The following TRIM25 variants were observed in gnomAD, a reference collection of about 807,000 sequenced individuals.
The protein encoded by TRIM25 is tripartite motif containing 25.
In TRIM25, 45 loss-of-function variants were observed where a neutral mutation model predicts 65.2. The observed-to-expected ratio is 0.69, with a 90% confidence interval of 0.54 to 0.89. The LOEUF is 0.89. Among genes scored for constraint, TRIM25 ranks in the 40% least tolerant of loss-of-function variants. The probability of loss-of-function intolerance (pLI) is 0.00; values close to 1 mark genes in which losing one functional copy is unlikely to be tolerated. For missense variants in TRIM25, 714 were observed against 803.7 expected, an observed-to-expected ratio of 0.89 and a Z score of 1.35; for synonymous variants, 321 against 340.4, an observed-to-expected ratio of 0.94 and a Z score of 0.63.
chr17:56,904,503 G>C lies in TRIM25; in HGVS notation c.694-15C>G. 6.2e-7 allele frequency: 1 copy of C among 1,612,298 alleles called. No homozygotes were observed. Among genetic ancestry groups the C allele is most frequent in the South Asian group, 1.1e-5 (1 of 91,044 alleles). On this transcript the variant is annotated splice_polypyrimidine_tract_variant and intron_variant, in intron 2 of 8. Coordinates refer to ENST00000316881, the MANE Select transcript of TRIM25 (RefSeq NM_005082.5). ...TTTGCAGTCATCTGAGAGGGCCAAG[G>C]TAAGAGGATGCCCGTCAAAGGGGCA...
At chr17:56,906,682 A>G (rs1909526880) in intron 2 of TRIM25, among the ~76,000 whole-genome samples, 3 of 152,070 alleles carry the variant, frequency 2.0e-5, no homozygotes, top group Admixed American at 1.3e-4. Context: ...TTTAGTAGAG[A>G]TGGGGTTTCG....
In TRIM25 at chr17:56,892,718, T is replaced by C. The variant is rs371675115; in HGVS notation, c.1364-489A>G. ...CCATCTATCATCTATCAGTCATCCG[T>C]ATGTCTGTCCATTCATCCATCCAAA... On this transcript the variant is annotated intron_variant, in intron 8 of 8. Coordinates refer to ENST00000316881, the MANE Select transcript of TRIM25 (RefSeq NM_005082.5). 6.6e-5 allele frequency among the ~76,000 whole-genome samples: 10 copies of C among 152,312 alleles called. 1 individual carries two copies. Among genetic ancestry groups the C allele is most frequent in the Admixed American group, 6.5e-5 (1 of 15,294 alleles).
chr17:56,901,370 C>G, intron 4 of TRIM25, 49 bp downstream of exon 4: 1 of 1,578,864 alleles, frequency 6.3e-7, no homozygotes, highest in Non-Finnish European at 8.6e-7. Flanking sequence ...GGGGACCCAT[C>G]GGGTTGCAGG....
chr17:56,900,368 C>G (rs2144355079), intron 4 of TRIM25, among the ~76,000 whole-genome samples: 1 of 152,200 alleles, frequency 6.6e-6, no homozygotes, highest in Non-Finnish European at 1.5e-5. Context: ...GCCTGGGCGA[C>G]AGAGCAAGAT....
chr17:56,904,558 G>A, intron 2 of TRIM25, 70 bp from the exon 3 acceptor site: 1 of 1,387,842 alleles, frequency 7.2e-7, no homozygotes, highest in Non-Finnish European at 1.0e-6. Context: ...CCCAAGCATG[G>A]GTGAGATGTG....
Position 56,904,396 on chromosome 17 carries a change from C to T in TRIM25, c.786G>A (p.Lys262=). Residue 262 remains lysine (K), a synonymous_variant, in exon 3 of 9, where the codon AAG becomes AAA. Coordinates refer to ENST00000316881, the MANE Select transcript of TRIM25 (RefSeq NM_005082.5). ...TGACCCTCTTCTCCTCTTCCTTTATCTTCCTTGTCGAGGTGGTCTCTGAGG... is the reference window on the plus strand; with the variant it reads ...TGACCCTCTTCTCCTCTTCCTTTATTTTCCTTGTCGAGGTGGTCTCTGAGG... ...LDASETTSTR[K]IKEEEKRVNS... is the part of the protein sequence containing the mutation. 1 of 1,614,112 alleles carries T rather than the reference C, an allele frequency of 6.2e-7. No homozygotes were observed.
At position 56,892,039 on chromosome 17, in the gene TRIM25, C is replaced by A. The variant is rs1489234646; in HGVS notation, c.1554G>T (p.Leu518=). The A allele has an allele frequency of 1.9e-6, 3 of 1,614,188 alleles. No individual in the cohort carries two copies. The Admixed American group carries it at 5.0e-5, about 27-fold the overall frequency. The part of the protein sequence containing the change: ...KKGIHYWEVE[L]QKNNFCGVGI... ...CTACCCCACAGAAGTTGTTCTTCTG[C>A]AGCTCCACCTCCCAGTAGTGGATCC... The change falls in exon 9 of 9, where the codon CTG becomes CTT. Residue 518 remains leucine (L), a synonymous_variant. Coordinates refer to ENST00000316881, the MANE Select transcript of TRIM25 (RefSeq NM_005082.5).
chr17:56,891,609 G>A lies in TRIM25; in HGVS notation c.*91C>T, dbSNP rs1294797745. On this transcript the variant is annotated 3_prime_UTR_variant, in exon 9 of 9. Coordinates refer to ENST00000316881, the MANE Select transcript of TRIM25 (RefSeq NM_005082.5). ...ATGCTCCCAATCCTTGGGACCTCTT[G>A]GGGAATTATCCAAGGAGAGTTCTGC... 8.5e-7 allele frequency: 1 copy of A among 1,171,704 alleles called. No individual in the cohort carries two copies. Among genetic ancestry groups the A allele is most frequent in the South Asian group, 1.5e-5 (1 of 67,960 alleles). The allele number at this position is 1,171,704 out of a possible 1,614,324, so 72.6% of individuals were successfully genotyped here. A position where few individuals can be genotyped will look rare whatever the true frequency, so the allele number is the denominator to read the frequency against.
At position 56,889,761 on chromosome 17, in the gene TRIM25, TATTA is replaced by T. The variant is rs1909129418; in HGVS notation, c.*1935_*1938del. ...CCTCCAAGCCCAGCTGTTTCCCAAG[TATTA>T]ATTGGTTTCAGACAAGGCTTTCGTT... On this transcript the variant is annotated 3_prime_UTR_variant, in exon 9 of 9. Coordinates refer to ENST00000316881, the MANE Select transcript of TRIM25 (RefSeq NM_005082.5). The T allele has an allele frequency of 2.5e-6, 1 of 398,616 alleles. No individual in the cohort carries two copies. Among genetic ancestry groups the T allele is most frequent in the East Asian group, 3.6e-5 (1 of 28,082 alleles). 24.7% of individuals were successfully genotyped at this position (398,616 alleles called of 1,614,324 possible).
In TRIM25 at chr17:56,904,476, T is replaced by C. The variant is rs1194302272; in HGVS notation, c.706A>G (p.Arg236Gly). The change falls in exon 3 of 9, where the codon AGA becomes GGA. Residue 236 changes from arginine (R) to glycine (G), a missense_variant. This residue lies in a region of TRIM25 where 413 missense variants were observed against 498.2 expected (regional missense o/e 0.83). Transcript: ENST00000316881. ...RQQDVRMTAN[R>G]KVEQLQQEYT... ...TCTTGTTGTAGCTGCTCCACCTTTC[T>C]GTTTGCAGTCATCTGAGAGGGCCAA... is the stretch of plus-strand genomic sequence containing the variant. 1.2e-6 allele frequency: 2 copies of C among 1,614,028 alleles called. No individual in the cohort carries two copies. The highest frequency in any genetic ancestry group is 1.7e-5 in the Admixed American group (1 of 59,992).
chr17:56,900,673 A>G (rs1909392960), intron 4 of TRIM25, among the ~76,000 whole-genome samples: 1 of 152,164 alleles, frequency 6.6e-6, no homozygotes, highest in African/African-American at 2.4e-5. Context: ...CTGTAGCAGG[A>G]AGTTTTGCAT....
chr17:56,888,741 CTATA>C lies in TRIM25; in HGVS notation c.*2955_*2958del. On this transcript the variant is annotated 3_prime_UTR_variant, in exon 9 of 9. Transcript: ENST00000316881. The stretch of plus-strand genomic sequence containing the variant: ...ATCAAAAGCTTCCCGAAGAGGAACT[CTATA>C]TAGGGCAGGACTAAGTGTGCTGGCT... 1 of 152,158 alleles carries C rather than the reference CTATA, an allele frequency of 6.6e-6. No homozygotes were observed. Among genetic ancestry groups the C allele is most frequent in the Non-Finnish European group, 1.5e-5 (1 of 68,062 alleles). 9.4% of individuals were successfully genotyped at this position (152,158 alleles called of 1,614,324 possible). A position where few individuals can be genotyped will look rare whatever the true frequency, so the allele number is the denominator to read the frequency against.
rs775760149 is a variant in TRIM25, at chr17:56,913,409, C to T, written c.580G>A (p.Ala194Thr). Residue 194 changes from alanine to threonine, a missense_variant, in exon 1 of 9, where the codon GCC becomes ACC. Physicochemically the swap from Ala to Thr is moderately conservative, Grantham distance 58 (BLOSUM62 0). Coordinates refer to ENST00000316881, the MANE Select transcript of TRIM25 (RefSeq NM_005082.5). This position sits in a 1 kb window ranked among gnomAD's most constrained non-coding sequence, Gnocchi z 6.1. ...TTCCCTACCTCCAGGTCGGCGCTGG[C>T]CTGGCTCAGGGACGCGGGAGAGCAG... ...KTCSPASLSQ[A>T]SADLEATLRH... The T allele has an allele frequency of 7.0e-6, 11 of 1,571,360 alleles. No homozygotes were observed. The South Asian group carries it at 9.3e-5, about 13-fold the overall frequency.
At chr17:56,910,298 A>T (rs1040015648) in intron 1 of TRIM25, among the ~76,000 whole-genome samples, 1 of 152,250 alleles carries the variant, frequency 6.6e-6, no homozygotes, top group East Asian at 1.9e-4. Context: ...ACCCAGTGAC[A>T]GTCACATGTA....
chr17:56,907,824 G>C (rs1189343894), intron 2 of TRIM25, among the ~76,000 whole-genome samples: 1 of 152,182 alleles, frequency 6.6e-6, no homozygotes, highest in Admixed American at 6.5e-5. Flanking sequence ...TTACCTAGGT[G>C]CTCCCTAAAT....
chr17:56,909,113 C>T (rs537051154), intron 1 of TRIM25, among the ~76,000 whole-genome samples: 14 of 152,214 alleles, frequency 9.2e-5, no homozygotes, highest in African/African-American at 2.9e-4. Flanking sequence ...AATCCTCCCA[C>T]TGCAAACAGC....
rs1049264268 is a variant in TRIM25 at position 56,889,957 on chromosome 17, T to C, written c.*1743A>G. The stretch of plus-strand genomic sequence containing the variant: ...TATTGCTCTCCCGAGGAACTGAAAA[T>C]CCTTGTTAGGAGATGACACCGATCA... On this transcript the variant is annotated 3_prime_UTR_variant, in exon 9 of 9. Transcript: ENST00000316881. The C allele has an allele frequency of 1.1e-4, 43 of 398,088 alleles. No individual in the cohort carries two copies. Among genetic ancestry groups the C allele is most frequent in the Middle Eastern group, 6.2e-4 (1 of 1,604 alleles). The allele number at this position is 398,088 out of a possible 1,614,324, so 24.7% of individuals were successfully genotyped here.
At chr17:56,896,448 G>A (rs889695701) in intron 5 of TRIM25, among the ~76,000 whole-genome samples, 10 of 150,166 alleles carry the variant, frequency 6.7e-5, no homozygotes, top group Non-Finnish European at 1.2e-4. Flanking sequence ...GATCTCAAGC[G>A]TTAGAAACTA....
chr17:56,892,025 A>T lies in TRIM25; in HGVS notation c.1568T>A (p.Phe523Tyr). The change falls in exon 9 of 9, where the codon TTC (phenylalanine) becomes TAC (tyrosine). Residue 523 changes from phenylalanine (F) to tyrosine (Y), a missense_variant. Around this residue, in one of 3 missense-constraint regions of TRIM25, gnomAD observed 413 missense variants for 498.2 expected, o/e 0.83. Transcript: ENST00000316881. Reference protein sequence around the residue: ...YWEVELQKNNFCGVGICYGSM... With the variant: ...YWEVELQKNNYCGVGICYGSM... ...TCCGTAGCAGATGCCTACCCCACAG[A>T]AGTTGTTCTTCTGCAGCTCCACCTC... The T allele has an allele frequency of 6.2e-7, 1 of 1,614,020 alleles. No homozygotes were observed. Among genetic ancestry groups the T allele is most frequent in the Non-Finnish European group, 8.5e-7 (1 of 1,180,006 alleles).
Sources: gnomAD v4.1 joint callset for allele counts (sites outside exome capture counted in the v4.1 genomes callset) on GRCh38, gnomAD v4.1.1 for gene constraint, gnomAD v4.1.1 regional missense constraint, Gnocchi (gnomAD v3.1) non-coding constraint, MANE v1.5 for transcripts, NCBI Gene and HGNC (gene_info 2026-07-23, HGNC 2026-07-21) for gene names.